Variants in VSTM4 observed in about 807,000 individuals in gnomAD.
VSTM4 encodes V-set and transmembrane domain-containing protein 4.
VSTM4 carries 20 observed loss-of-function variants against 36.4 expected under a neutral mutation model. The observed-to-expected ratio is 0.55, with a 90% CI of 0.39 to 0.80. The LOEUF is 0.80. VSTM4 is among the 30% of genes least tolerant of loss of function. VSTM4 has a pLI of 0.00. For synonymous variants in VSTM4, 182 were observed against 173.9 expected (o/e 1.05, Z -0.37); for missense variants, 392 against 404.5 (o/e 0.97, Z 0.26).
intron 7 of VSTM4, among the ~76,000 whole-genome samples, chr10:49,042,175 TC>T (rs1208944506): frequency 6.6e-6 from 1 of 152,168 alleles, no homozygotes; most frequent in Non-Finnish European, 1.5e-5. Flanking sequence ...AATGGGATGC[TC>T]CAAGGCCAAG....
intron 2 of VSTM4, among the ~76,000 whole-genome samples, chr10:49,093,306 A>C (rs1192720893): frequency 1.3e-5 from 2 of 152,078 alleles, no homozygotes; most frequent in African/African-American, 2.4e-5. Context: ...GCTTCCCTAA[A>C]GGTTTGAGCA....
At chr10:49,084,365 C>T (rs1844333229) in intron 3 of VSTM4, among the ~76,000 whole-genome samples, 1 of 152,190 alleles carries the variant, frequency 6.6e-6, no homozygotes, top group Non-Finnish European at 1.5e-5. Context: ...ATCTCATAAA[C>T]AAAATATTTA....
chr10:49,043,739 C>A (rs188913266), intron 7 of VSTM4, among the ~76,000 whole-genome samples: 4 of 152,178 alleles, frequency 2.6e-5, no homozygotes, highest in African/African-American at 9.7e-5. Context: ...AAGAGTCTGA[C>A]AAACAGATAA....
intron 7 of VSTM4, among the ~76,000 whole-genome samples, chr10:49,045,727 A>C (rs1370145111): frequency 6.6e-6 from 1 of 152,190 alleles, no homozygotes; most frequent in Non-Finnish European, 1.5e-5. Flanking sequence ...AACCTGGCAG[A>C]CACCACCTTA....
chr10:49,029,906 G>C (rs1843319081), intron 7 of VSTM4, among the ~76,000 whole-genome samples: 1 of 152,178 alleles, frequency 6.6e-6, no homozygotes, highest in African/African-American at 2.4e-5. Context: ...AGCTGTCCCT[G>C]GTGGGAGAGG....
At chr10:49,033,574 G>A (rs918322242) in intron 7 of VSTM4, among the ~76,000 whole-genome samples, 3 of 152,264 alleles carry the variant, frequency 2.0e-5, no homozygotes, top group Middle Eastern at 3.4e-3. Flanking sequence ...ATGAGGTCAA[G>A]ACATTAAACA....
rs1843339719 is a variant in VSTM4, at chr10:49,031,114, CAT to C, written c.838-11341_838-11340del. On this transcript the variant is annotated intron_variant, in intron 7 of 7. Transcript: ENST00000332853. ...GGGAGCCTTTGGTTATCTACTTCAACATAGATGTTCATGCTGAGAATTTGCAG... is the reference window on the plus strand; with the variant it reads ...GGGAGCCTTTGGTTATCTACTTCAACAGATGTTCATGCTGAGAATTTGCAG... Among the ~76,000 whole-genome samples the C allele has an allele frequency of 3.9e-5, 6 of 152,334 alleles. No homozygotes were observed. In the South Asian group the frequency reaches 1.2e-3, roughly 32 times the overall value.
At chr10:49,025,265 G>A (rs1843241153) in intron 7 of VSTM4, among the ~76,000 whole-genome samples, 1 of 152,136 alleles carries the variant, frequency 6.6e-6, no homozygotes, top group Non-Finnish European at 1.5e-5. Flanking sequence ...TCAAGGTGAG[G>A]ACAGAAGAGA....
chr10:49,083,661 TAG>T (rs1382358981), intron 3 of VSTM4, among the ~76,000 whole-genome samples: 1 of 152,186 alleles, frequency 6.6e-6, no homozygotes, highest in Non-Finnish European at 1.5e-5. Flanking sequence ...AGATTTCATG[TAG>T]AGAGTTAGGT....
intron 4 of VSTM4, among the ~76,000 whole-genome samples, chr10:49,072,628 G>A (rs1034197646): frequency 6.6e-6 from 1 of 152,216 alleles, no homozygotes; most frequent in Non-Finnish European, 1.5e-5. Context: ...TTGATAGAAT[G>A]TGGGAGAGTG....
intron 7 of VSTM4, among the ~76,000 whole-genome samples, chr10:49,036,480 T>G (rs1376365874): frequency 6.6e-5 from 10 of 152,212 alleles, no homozygotes; most frequent in Admixed American, 6.5e-4. Flanking sequence ...CCTTTTCATG[T>G]AAAATTTAAC....
At chr10:49,072,756 T>G (rs571874056) in intron 4 of VSTM4, among the ~76,000 whole-genome samples, 146 of 152,252 alleles carry the variant, frequency 9.6e-4, no homozygotes, top group African/African-American at 3.4e-3. Flanking sequence ...GCTGTCCTAT[T>G]TGTCTCAGAG....
chr10:49,027,896 C>A (rs1288601174), intron 7 of VSTM4, among the ~76,000 whole-genome samples: 1 of 152,162 alleles, frequency 6.6e-6, no homozygotes, highest in East Asian at 1.9e-4. Context: ...TATAAACGTT[C>A]AAATATAGGT....
intron 2 of VSTM4, among the ~76,000 whole-genome samples, chr10:49,088,828 A>C (rs1401859790): frequency 6.6e-6 from 1 of 152,266 alleles, no homozygotes; most frequent in Non-Finnish European, 1.5e-5. Context: ...TGAACAATAC[A>C]CATATATCTT....
intron 5 of VSTM4, among the ~76,000 whole-genome samples, chr10:49,063,190 T>A (rs7906722): frequency 0.45 from 68,262 of 151,800 alleles, 16,832 homozygotes; most frequent in African/African-American, 0.66. Context: ...CATGCAAAAA[T>A]ATAGCTGGGC....
At chr10:49,091,857 A>G (rs1590123459) in intron 2 of VSTM4, among the ~76,000 whole-genome samples, 1 of 152,212 alleles carries the variant, frequency 6.6e-6, no homozygotes, top group Non-Finnish European at 1.5e-5. Flanking sequence ...TACAATTAAC[A>G]AAGCTTAAAT....
intron 5 of VSTM4, among the ~76,000 whole-genome samples, chr10:49,055,759 C>T (rs1013396262): frequency 2.6e-5 from 4 of 152,244 alleles, no homozygotes; most frequent in African/African-American, 9.6e-5. Flanking sequence ...CACCCACTCA[C>T]AGGGACCCTT....
Position 49,085,979 on chromosome 10 carries a change from T to C in VSTM4, c.502A>G (p.Lys168Glu). The C allele has an allele frequency of 6.3e-7, 1 of 1,596,652 alleles. No homozygotes were observed. Among genetic ancestry groups the C allele is most frequent in the East Asian group, 2.2e-5 (1 of 44,564 alleles). Residue 168 changes from lysine to glutamate, a missense_variant, in exon 3 of 8, where the codon AAA (lysine) becomes GAA (glutamate). Physicochemically the swap from Lys to Glu is moderately conservative, Grantham distance 56 (BLOSUM62 1). Coordinates refer to ENST00000332853, the MANE Select transcript of VSTM4 (RefSeq NM_001031746.5). ...CCTTCAAAAAATGCCCAAGTCTCTTTTGTTTTCTCAAAGGATGACTCTTCA... is the reference window on the plus strand; with the variant it reads ...CCTTCAAAAAATGCCCAAGTCTCTTCTGTTTTCTCAAAGGATGACTCTTCA... The part of the protein sequence containing the change: ...ASEESSFEKT[K>E]ETWAFFEDLY...
chr10:49,051,539 G>T (rs1843698395), intron 5 of VSTM4, among the ~76,000 whole-genome samples: 1 of 152,108 alleles, frequency 6.6e-6, no homozygotes. Context: ...GGGATTACAG[G>T]TGCCTGCCAC....
Sources: gnomAD v4.1 joint callset for allele counts (sites outside exome capture counted in the v4.1 genomes callset) on GRCh38, gnomAD v4.1.1 for gene constraint, MANE v1.5 for transcripts, NCBI Gene and HGNC (gene_info 2026-07-23, HGNC 2026-07-21) for gene names.